The following MYRIP variants were observed in gnomAD, a reference collection of about 807,000 sequenced individuals.
MYRIP encodes rab effector MyRIP.
Under a neutral mutation model 98.0 loss-of-function variants are expected in MYRIP, and 49 were observed. That is an observed-to-expected ratio of 0.50 (90% CI 0.40 to 0.63). The LOEUF (loss-of-function observed/expected upper bound fraction) is 0.63, where lower values mean the gene tolerates loss of function less well. Among genes scored for constraint, MYRIP ranks in the 30% least tolerant of loss-of-function variants. The pLI, the probability that MYRIP is intolerant of heterozygous loss-of-function variation, is 0.00. For synonymous variants in MYRIP, 404 were observed against 409.5 expected (o/e 0.99, Z 0.16); for missense variants, 1,004 against 1,058.2 (o/e 0.95, Z 0.71).
At chr3:40,081,850 TAACC>T (rs1484631143) in intron 3 of MYRIP, among the ~76,000 whole-genome samples, 5 of 152,204 alleles carry the variant, frequency 3.3e-5, no homozygotes, top group Non-Finnish European at 7.3e-5. Context: ...CAGCCTCTGC[TAACC>T]ACCATTCTAC....
chr3:40,233,476 C>T (rs1952722805), intron 11 of MYRIP, among the ~76,000 whole-genome samples: 1 of 152,120 alleles, frequency 6.6e-6, no homozygotes, highest in Non-Finnish European at 1.5e-5. Context: ...CAGAAAGCTA[C>T]CCACTGGACC....
At chr3:39,995,614 A>G (rs935559695) in intron 2 of MYRIP, among the ~76,000 whole-genome samples, 52 of 152,368 alleles carry the variant, frequency 3.4e-4, no homozygotes, top group South Asian at 2.1e-4. Context: ...AACACTCTGC[A>G]GGATATTATA....
intron 1 of MYRIP, among the ~76,000 whole-genome samples, chr3:39,836,401 G>A (rs1218989377): frequency 1.3e-5 from 2 of 152,174 alleles, no homozygotes; most frequent in Admixed American, 1.3e-4. Context: ...CTTTTGAGAA[G>A]TGTCTGTTCA....
intron 1 of MYRIP, among the ~76,000 whole-genome samples, chr3:39,883,396 A>G (rs1186281534): frequency 6.6e-6 from 1 of 152,212 alleles, no homozygotes; most frequent in Non-Finnish European, 1.5e-5. Flanking sequence ...AACCGTGTAC[A>G]AGTGTAGATG....
chr3:40,017,577 GT>G (rs1174279276), intron 2 of MYRIP, among the ~76,000 whole-genome samples: 2 of 151,540 alleles, frequency 1.3e-5, no homozygotes, highest in Non-Finnish European at 2.9e-5. Flanking sequence ...ACCAACAGAA[GT>G]TTTTCTGAAA....
chr3:40,182,148 C>T (rs1950897089), intron 8 of MYRIP, 72 bp from the exon 9 acceptor site: 3 of 1,444,950 alleles, frequency 2.1e-6, no homozygotes, highest in South Asian at 1.5e-5. Context: ...TGTCTGCCCC[C>T]AAAAGGTGAA....
At chr3:40,166,782 CT>C in intron 5 of MYRIP, 63 bp from the exon 6 acceptor site, 1 of 1,126,184 alleles carries the variant, frequency 8.9e-7, no homozygotes, top group East Asian at 2.4e-5. Context: ...AGCAGAAGAG[CT>C]TGAACAATCG....
intron 11 of MYRIP, among the ~76,000 whole-genome samples, chr3:40,218,630 A>ATATATT (rs1553629252): frequency 1.7e-4 from 4 of 23,608 alleles, no homozygotes; most frequent in African/African-American, 4.0e-4. Flanking sequence ...ATATATATAT[A>ATATATT]TATATATATA....
chr3:39,883,029 T>C (rs987375751), intron 1 of MYRIP, among the ~76,000 whole-genome samples: 3 of 152,192 alleles, frequency 2.0e-5, no homozygotes, highest in Admixed American at 6.6e-5. Flanking sequence ...TGAAGAGTCA[T>C]TGGGCCAGAG....
intron 9 of MYRIP, among the ~76,000 whole-genome samples, chr3:40,188,985 C>A (rs771967144): frequency 2.6e-5 from 4 of 152,214 alleles, no homozygotes; most frequent in Non-Finnish European, 5.9e-5. Flanking sequence ...GGACCATGCT[C>A]CAGGCAGACC....
intron 2 of MYRIP, among the ~76,000 whole-genome samples, chr3:39,997,002 C>A (rs1393587221): frequency 2.6e-5 from 4 of 152,140 alleles, no homozygotes; most frequent in Admixed American, 6.5e-5. Flanking sequence ...AAAGACACAA[C>A]ATACCAGAAT....
At chr3:40,185,692 CAGG>C (rs768654362) in intron 9 of MYRIP, among the ~76,000 whole-genome samples, 22 of 152,080 alleles carry the variant, frequency 1.4e-4, no homozygotes, top group Non-Finnish European at 2.5e-4. Flanking sequence ...TGTAAAAAAG[CAGG>C]AGAAGGAGAG....
chr3:39,995,772 A>G (rs1164620694), intron 2 of MYRIP, among the ~76,000 whole-genome samples: 1 of 152,242 alleles, frequency 6.6e-6, no homozygotes, highest in East Asian at 1.9e-4. Context: ...AAAAATGTTA[A>G]GGGCAGCCAG....
chr3:40,134,234 A>G (rs1949711151), intron 3 of MYRIP, among the ~76,000 whole-genome samples: 1 of 152,232 alleles, frequency 6.6e-6, no homozygotes, highest in South Asian at 2.1e-4. Context: ...CCAGGAGATT[A>G]TATCCCGCAC....
intron 3 of MYRIP, among the ~76,000 whole-genome samples, chr3:40,048,849 T>G (rs1322335035): frequency 6.6e-6 from 1 of 152,214 alleles, no homozygotes; most frequent in Non-Finnish European, 1.5e-5. Context: ...GAATGATGAA[T>G]TACTTATTTT....
chr3:40,010,396 C>A (rs867106471), intron 2 of MYRIP, among the ~76,000 whole-genome samples: 1 of 152,134 alleles, frequency 6.6e-6, no homozygotes, highest in Non-Finnish European at 1.5e-5. Context: ...CCTGGCCACC[C>A]CAGATATTCT....
At chr3:39,939,995 T>A (rs74880668) in intron 2 of MYRIP, among the ~76,000 whole-genome samples, 121 of 152,240 alleles carry the variant, frequency 7.9e-4, no homozygotes, top group African/African-American at 2.7e-3. Context: ...TCCTAATTCT[T>A]ATTAGACACC....
intron 3 of MYRIP, among the ~76,000 whole-genome samples, chr3:40,078,786 C>T (rs1948411478): frequency 6.6e-6 from 1 of 152,180 alleles, no homozygotes; most frequent in South Asian, 2.1e-4. Flanking sequence ...CAAGAATTGG[C>T]TTGTGCTCTG....
intron 1 of MYRIP, among the ~76,000 whole-genome samples, chr3:39,879,092 ATATATC>A (rs997098356): frequency 2.6e-5 from 4 of 151,348 alleles, no homozygotes; most frequent in Non-Finnish European, 2.9e-5. Context: ...ATATATATCT[ATATATC>A]TATGTATATA....
Sources: allele counts gnomAD v4.1 joint callset (sites outside exome capture counted in the v4.1 genomes callset), GRCh38; gene constraint gnomAD v4.1.1; transcripts MANE v1.5; gene names NCBI Gene and HGNC (gene_info 2026-07-23, HGNC 2026-07-21).